Variants in NDUFC1 observed in about 807,000 individuals in gnomAD.
NDUFC1 encodes the protein NADH:ubiquinone oxidoreductase subunit C1, also known as NADH dehydrogenase [ubiquinone] 1 subunit C1, mitochondrial.
Under a neutral mutation model 11.6 loss-of-function variants are expected in NDUFC1, and 11 were observed. That is an observed-to-expected ratio of 0.95 (90% CI 0.60 to 1.58). The LOEUF (loss-of-function observed/expected upper bound fraction) is 1.58. Ranked by LOEUF, NDUFC1 falls within the 40% of genes most tolerant of loss-of-function variation. The probability of loss-of-function intolerance (pLI) is 0.00; values close to 1 mark genes in which losing one functional copy is unlikely to be tolerated. For missense variants in NDUFC1, 112 were observed against 93.0 expected (o/e 1.20, Z -0.84); for synonymous variants, 52 against 42.2 (o/e 1.23, Z -0.90).
intron 1 of NDUFC1, among the ~76,000 whole-genome samples, chr4:139,299,159 G>A (rs1745600451): frequency 6.6e-6 from 1 of 151,714 alleles, no homozygotes; most frequent in African/African-American, 2.4e-5. Context: ...TAGTAGAGAC[G>A]GGGTTTCACC....
At chr4:139,300,315 C>A (rs962894287) in intron 1 of NDUFC1, among the ~76,000 whole-genome samples, 1 of 152,108 alleles carries the variant, frequency 6.6e-6, no homozygotes, top group Non-Finnish European at 1.5e-5. Context: ...GCTACAAAAC[C>A]CAAGTTTATA....
intron 4 of NDUFC1, among the ~76,000 whole-genome samples, chr4:139,293,651 G>A (rs1347091705): frequency 6.6e-6 from 1 of 152,100 alleles, no homozygotes; most frequent in Non-Finnish European, 1.5e-5. Flanking sequence ...TCTTAGAGCT[G>A]GGGGACAGTG....
chr4:139,300,350 C>T (rs148499084), intron 1 of NDUFC1, among the ~76,000 whole-genome samples: 35 of 152,282 alleles, frequency 2.3e-4, no homozygotes, highest in African/African-American at 7.9e-4. Context: ...TCTCAACTCA[C>T]ACCTTTCAGG....
chr4:139,290,953 G>A (rs1227524822), intron 5 of NDUFC1, among the ~76,000 whole-genome samples: 3 of 151,444 alleles, frequency 2.0e-5, no homozygotes, highest in Non-Finnish European at 4.4e-5. Context: ...GGGACTACGG[G>A]CGCGCACCAC....
chr4:139,293,688 A>C (rs1156585289), intron 4 of NDUFC1, among the ~76,000 whole-genome samples: 1 of 152,156 alleles, frequency 6.6e-6, no homozygotes, highest in Non-Finnish European at 1.5e-5. Context: ...CATTAGATAA[A>C]AAACAAAATT....
In NDUFC1 at chr4:139,295,832, C is replaced by T; in HGVS notation, c.-34G>A. 6.5e-7 allele frequency: 1 copy of T among 1,539,036 alleles called. No individual in the cohort carries two copies. The highest frequency in any genetic ancestry group is 1.2e-5 in the South Asian group (1 of 83,102). On this transcript the variant is annotated 5_prime_UTR_variant, in exon 3 of 6. Transcript: ENST00000394223. ...GCCCAGCTCAGTCTCTCCGAGTTGG[C>T]AACAGAACCAGCGCCACCTGGCGGC...
At chr4:139,298,772 G>A (rs990269508) in intron 1 of NDUFC1, among the ~76,000 whole-genome samples, 6 of 151,466 alleles carry the variant, frequency 4.0e-5, no homozygotes, top group South Asian at 2.1e-4. Context: ...CTCTGGGGCC[G>A]AAGGAATCTT....
intron 1 of NDUFC1, chr4:139,301,549 G>A: frequency 1.7e-6 from 1 of 575,672 alleles, no homozygotes; most frequent in Non-Finnish European, 3.1e-6. Flanking sequence ...AACCGCCGAC[G>A]GAGACCCGTA....
intron 1 of NDUFC1, among the ~76,000 whole-genome samples, chr4:139,297,668 T>TA (rs907156138): frequency 3.3e-5 from 5 of 151,916 alleles, no homozygotes; most frequent in Non-Finnish European, 7.4e-5. Flanking sequence ...CCAAGGAAGG[T>TA]AAAAAAAGAG....
chr4:139,295,941 C>T lies in NDUFC1; in HGVS notation c.-143G>A. On this transcript the variant is annotated 5_prime_UTR_variant, in exon 3 of 6. In the 5' UTR this introduces an upstream ATG that the reference lacks. Coordinates refer to ENST00000394223, the MANE Select transcript of NDUFC1 (RefSeq NM_001184989.2). The stretch of plus-strand genomic sequence containing the variant: ...TCCAGCACGGCAAGGTTCTCTAGCA[C>T]CCCGGCCTCAGCCTTCTGTCTATAC... The T allele has an allele frequency of 1.3e-6, 1 of 759,896 alleles. No individual in the cohort carries two copies. 47.1% of individuals were successfully genotyped at this position (759,896 alleles called of 1,614,324 possible).
chr4:139,294,503 G>A (rs897204791), intron 4 of NDUFC1, among the ~76,000 whole-genome samples: 10 of 151,780 alleles, frequency 6.6e-5, no homozygotes, highest in Non-Finnish European at 1.2e-4. Context: ...TTGGGAGGCC[G>A]AGGCGGGCGG....
intron 1 of NDUFC1, chr4:139,301,462 G>A (rs1021766877): frequency 4.4e-6 from 2 of 454,818 alleles, no homozygotes; most frequent in Non-Finnish European, 7.8e-6. Flanking sequence ...TGCGTGTTAG[G>A]AAGCGTGACC....
At chr4:139,294,766 T>C (rs1264021996) in intron 4 of NDUFC1, among the ~76,000 whole-genome samples, 1 of 152,116 alleles carries the variant, frequency 6.6e-6, no homozygotes, top group Non-Finnish European at 1.5e-5. Context: ...AATTACTATT[T>C]AGTAAAACTG....
intron 5 of NDUFC1, 97 bp downstream of exon 5, chr4:139,292,433 C>G: frequency 4.0e-6 from 2 of 504,176 alleles, no homozygotes; most frequent in South Asian, 8.8e-5. Flanking sequence ...ATGTATAAAC[C>G]TAATACAAAA....
At chr4:139,294,979 A>C in intron 4 of NDUFC1, 64 bp downstream of exon 4, 1 of 1,219,998 alleles carries the variant, frequency 8.2e-7, no homozygotes, top group Non-Finnish European at 1.2e-6. Flanking sequence ...TCAATCTCGC[A>C]ATGTTATGTC....
chr4:139,290,377 A>G (rs1325411458), intron 5 of NDUFC1, among the ~76,000 whole-genome samples: 10 of 138,972 alleles, frequency 7.2e-5, no homozygotes, highest in South Asian at 4.4e-4. Flanking sequence ...ACTCCTGGGC[A>G]TATGCTATCC....
chr4:139,297,013 A>C (rs1242372215), intron 2 of NDUFC1, among the ~76,000 whole-genome samples: 2 of 152,230 alleles, frequency 1.3e-5, no homozygotes, highest in Non-Finnish European at 2.9e-5. Context: ...ATGGATTGCT[A>C]AATTGTGAGT....
chr4:139,295,753 G>T lies in NDUFC1; in HGVS notation c.46C>A (p.Pro16Thr), dbSNP rs1387586373. ...LLRPLSRLLA[P>T]ARLPSGPSVR... ...TCACGGCCGCTCGGGAGCCTGGCGG[G>T]GGCCAGCAGCCGGGAAAGGGGACGC... is the stretch of plus-strand genomic sequence containing the variant. The change falls in exon 3 of 6, where the codon CCC becomes ACC. Residue 16 changes from proline to threonine, a missense_variant. Pro to Thr is a conservative substitution (Grantham distance 38). Transcript: ENST00000394223. 2.6e-6 allele frequency: 4 copies of T among 1,551,660 alleles called. No homozygotes were observed. Among genetic ancestry groups the T allele is most frequent in the Non-Finnish European group, 3.5e-6 (4 of 1,149,532 alleles).
At chr4:139,301,716 C>CGGT (rs1745754362) in intron 1 of NDUFC1, 15 of 1,516,150 alleles carry the variant, frequency 9.9e-6, no homozygotes, top group Admixed American at 2.0e-5. Flanking sequence ...GCAGCGGCGG[C>CGGT]GGTCGGACAA....
Sources: gnomAD v4.1 joint callset for allele counts (sites outside exome capture counted in the v4.1 genomes callset) on GRCh38, gnomAD v4.1.1 for gene constraint, MANE v1.5 for transcripts, NCBI Gene and HGNC (gene_info 2026-07-23, HGNC 2026-07-21) for gene names.